The following MCPH1 variants were observed in gnomAD, a reference collection of about 807,000 sequenced individuals.
MCPH1 encodes the protein microcephalin.
In MCPH1, 104 loss-of-function variants were observed where a neutral mutation model predicts 84.5. That is an observed-to-expected ratio of 1.23 (90% CI 1.05 to 1.45). The LOEUF is 1.45. Among genes scored for constraint, MCPH1 ranks in the 40% most tolerant of loss-of-function variants. The pLI, the probability that MCPH1 is intolerant of heterozygous loss-of-function variation, is 0.00. For missense variants in MCPH1, 1,498 were observed against 1,005.7 expected (o/e 1.49, Z -6.62); for synonymous variants, 514 against 366.8 (o/e 1.40, Z -4.58).
intron 12 of MCPH1, chr8:6,527,560 C>A: frequency 6.2e-7 from 1 of 1,613,620 alleles, no homozygotes; most frequent in South Asian, 1.1e-5. Flanking sequence ...ATTACCTGTT[C>A]TTATCTTGCA....
chr8:6,470,006 T>C (rs1807500782), intron 9 of MCPH1, among the ~76,000 whole-genome samples: 1 of 152,230 alleles, frequency 6.6e-6, no homozygotes, highest in African/African-American at 2.4e-5. Flanking sequence ...CTGTGTGCTT[T>C]TCCTGTTAAG....
At chr8:6,634,748 C>G (rs1162248080) in intron 13 of MCPH1, 2 of 152,214 alleles carry the variant, frequency 1.3e-5, no homozygotes, top group Non-Finnish European at 2.9e-5. Context: ...GACTACTGTT[C>G]TGCTCATCCT....
At position 6,416,183 on chromosome 8, in the gene MCPH1, T is replaced by G. The variant is rs138921759; in HGVS notation, c.233+1300T>G. On this transcript the variant is annotated intron_variant, in intron 3 of 13. Transcript: ENST00000344683. ...ACTTGTTTATTAGTTCTAAATATAT[T>G]TGTGGGTTCCTTAGCATTTTCTATA... Among the ~76,000 whole-genome samples, 184 of 152,326 alleles carry G rather than the reference T, an allele frequency of 1.2e-3. 1 individual carries two copies. Among genetic ancestry groups the G allele is most frequent in the African/African-American group, 4.3e-3 (179 of 41,566 alleles).
At chr8:6,480,458 C>A (rs1178707934) in intron 10 of MCPH1, among the ~76,000 whole-genome samples, 1 of 152,182 alleles carries the variant, frequency 6.6e-6, no homozygotes. Flanking sequence ...CCCTACCCAG[C>A]CCAGCCACTG....
chr8:6,611,331 A>G (rs2959804), intron 12 of MCPH1, among the ~76,000 whole-genome samples: 142,349 of 152,212 alleles, frequency 0.94, 66,900 homozygotes, highest in Middle Eastern at 0.98. Context: ...GCTTGTCCCA[A>G]ATCCCCGTTC....
Position 6,609,819 on chromosome 8 carries a change from G to C in MCPH1, c.2215-11635G>C, listed in dbSNP as rs13267920. On this transcript the variant is annotated intron_variant, in intron 12 of 13. Coordinates refer to ENST00000344683, the MANE Select transcript of MCPH1 (RefSeq NM_024596.5). ...TCTCATTATCAAAGCAATGCCCCCCGCCCCCCCCCCACACACAGACTGCCA... is the reference window on the plus strand; with the variant it reads ...TCTCATTATCAAAGCAATGCCCCCCCCCCCCCCCCCACACACAGACTGCCA... Among the ~76,000 whole-genome samples, 756 of 103,620 alleles carry C rather than the reference G, an allele frequency of 7.3e-3. 25 individuals are homozygous for C. Among genetic ancestry groups the C allele is most frequent in the South Asian group, 0.016 (34 of 2,192 alleles). 68.0% of individuals were successfully genotyped at this position (103,620 alleles called of 152,430 possible).
At chr8:6,428,769 A>G (rs1052604354) in intron 3 of MCPH1, among the ~76,000 whole-genome samples, 1 of 151,788 alleles carries the variant, frequency 6.6e-6, no homozygotes, top group Admixed American at 6.6e-5. Context: ...ACACACACAC[A>G]GAAGAACTAA....
intron 13 of MCPH1, chr8:6,626,642 G>GC: frequency 3.0e-6 from 3 of 984,880 alleles, no homozygotes; most frequent in Non-Finnish European, 3.6e-6. Flanking sequence ...GCTAATGGTT[G>GC]CATTTTCCCC....
chr8:6,492,733 AAATATT>A (rs950191068), intron 11 of MCPH1, among the ~76,000 whole-genome samples: 341 of 86,118 alleles, frequency 4.0e-3, no homozygotes, highest in East Asian at 8.6e-3. Context: ...ATTATCAAAT[AAATATT>A]AATAATAATT....
intron 12 of MCPH1, among the ~76,000 whole-genome samples, chr8:6,590,646 A>G (rs1288040088): frequency 6.6e-6 from 1 of 152,260 alleles, no homozygotes; most frequent in African/African-American, 2.4e-5. Flanking sequence ...TAGCTTAAGA[A>G]AAACATAAAG....
intron 11 of MCPH1, among the ~76,000 whole-genome samples, chr8:6,486,363 T>A (rs1339753997): frequency 6.6e-6 from 1 of 152,122 alleles, no homozygotes; most frequent in Non-Finnish European, 1.5e-5. Flanking sequence ...GTTGGGGGAT[T>A]CTTAAAATAT....
chr8:6,626,321 T>C (rs753293333), intron 13 of MCPH1: 8 of 985,362 alleles, frequency 8.1e-6, no homozygotes, highest in Non-Finnish European at 9.6e-6. Context: ...CCGCGTTGCC[T>C]AATAACGGGG....
chr8:6,460,362 C>T (rs1445882769), intron 9 of MCPH1, among the ~76,000 whole-genome samples: 1 of 151,886 alleles, frequency 6.6e-6, no homozygotes, highest in African/African-American at 2.4e-5. Flanking sequence ...TTTTCAGTCC[C>T]TGCTATTCCA....
At chr8:6,576,682 ATTTTTTTTTTTTTTT>A (rs58486084) in intron 12 of MCPH1, among the ~76,000 whole-genome samples, 1,097 of 41,984 alleles carry the variant, frequency 0.026, 1 homozygote, top group Non-Finnish European at 0.043. Flanking sequence ...TAATTTTTGT[ATTTTTTTTTTTTTTT>A]TTTTTTTTTT....
chr8:6,554,783 C>A (rs1333930000), intron 12 of MCPH1, among the ~76,000 whole-genome samples: 1 of 152,114 alleles, frequency 6.6e-6, no homozygotes, highest in Non-Finnish European at 1.5e-5. Flanking sequence ...AGGTTTCAAT[C>A]AGGTTCTAGA....
At chr8:6,526,915 A>G (rs1296970950) in intron 12 of MCPH1, among the ~76,000 whole-genome samples, 3 of 152,100 alleles carry the variant, frequency 2.0e-5, no homozygotes, top group Non-Finnish European at 2.9e-5. Context: ...AGATTTTTCT[A>G]TATTTTATTT....
At chr8:6,519,795 C>G in intron 12 of MCPH1, 3 of 1,562,640 alleles carry the variant, frequency 1.9e-6, no homozygotes, top group Admixed American at 1.7e-5. Flanking sequence ...CTTCTGCTCT[C>G]TGGTTCCTCA....
At chr8:6,633,381 T>G (rs907695941) in intron 13 of MCPH1, among the ~76,000 whole-genome samples, 1 of 152,214 alleles carries the variant, frequency 6.6e-6, no homozygotes, top group African/African-American at 2.4e-5. Context: ...GTATACCCAA[T>G]GATAAACAAT....
At chr8:6,449,018 T>C (rs1411749904) in intron 8 of MCPH1, among the ~76,000 whole-genome samples, 2 of 152,196 alleles carry the variant, frequency 1.3e-5, no homozygotes, top group African/African-American at 4.8e-5. Flanking sequence ...TAACATTTCA[T>C]TTAATTGGAG....
Sources: allele counts gnomAD v4.1 joint callset (sites outside exome capture counted in the v4.1 genomes callset), GRCh38; gene constraint gnomAD v4.1.1; transcripts MANE v1.5; gene names NCBI Gene and HGNC (gene_info 2026-07-23, HGNC 2026-07-21).